The following SNTG1 variants were observed in gnomAD, a reference collection of about 807,000 sequenced individuals.
SNTG1 encodes the protein syntrophin gamma 1, also known as gamma-1-syntrophin.
A neutral mutation model predicts 74.7 loss-of-function variants in SNTG1; 39 were observed. The ratio of observed to expected loss-of-function variants is 0.52; its 90% CI spans 0.40 to 0.68. The LOEUF is 0.68. Ranked by LOEUF, SNTG1 falls within the 30% of genes least tolerant of loss-of-function variation. The pLI, the probability that SNTG1 is intolerant of heterozygous loss-of-function variation, is 0.00. For synonymous variants in SNTG1, 254 were observed against 217.1 expected, an observed-to-expected ratio of 1.17 and a Z score of -1.49; for missense variants, 685 against 609.5, an observed-to-expected ratio of 1.12 and a Z score of -1.30.
intron 2 of SNTG1, among the ~76,000 whole-genome samples, chr8:50,246,618 G>A (rs2086412496): frequency 1.3e-5 from 2 of 151,774 alleles, no homozygotes; most frequent in Admixed American, 1.3e-4. Flanking sequence ...AATTGCCCTT[G>A]TTTGATGAGA....
intron 8 of SNTG1, among the ~76,000 whole-genome samples, chr8:50,466,823 AAATT>A (rs780665586): frequency 1.3e-5 from 2 of 151,996 alleles, no homozygotes; most frequent in Non-Finnish European, 2.9e-5. Flanking sequence ...CTTCAAATTT[AAATT>A]GTTTATTGTT....
intron 1 of SNTG1, among the ~76,000 whole-genome samples, chr8:50,032,174 C>G (rs1817792079): frequency 6.6e-6 from 1 of 151,916 alleles, no homozygotes; most frequent in Non-Finnish European, 1.5e-5. Context: ...TGTATCTTCT[C>G]AATTCGTTTT....
chr8:50,236,298 A>T (rs1586797759), intron 2 of SNTG1, among the ~76,000 whole-genome samples: 1 of 152,184 alleles, frequency 6.6e-6, no homozygotes, highest in South Asian at 2.1e-4. Context: ...GTAGACAGAC[A>T]TTCCATAATA....
chr8:50,665,219 G>T (rs961694131), intron 15 of SNTG1, among the ~76,000 whole-genome samples: 1 of 152,218 alleles, frequency 6.6e-6, no homozygotes, highest in East Asian at 1.9e-4. Flanking sequence ...GCAGGTGGGA[G>T]ATGGGGAAGG....
chr8:50,595,536 G>A (rs2094721599), intron 13 of SNTG1, among the ~76,000 whole-genome samples: 1 of 152,084 alleles, frequency 6.6e-6, no homozygotes, highest in South Asian at 2.1e-4. Context: ...ATAGAAAGTT[G>A]TATATGTGTG....
At position 50,103,725 on chromosome 8, in the gene SNTG1, G is replaced by A. The variant is rs193018651; in HGVS notation, c.-102-68836G>A. On this transcript the variant is annotated intron_variant, in intron 1 of 18. Transcript: ENST00000642720. ...TCATAGATAGCTCTTATTATTTTGA[G>A]ATACGTCCCATCAATACCTAATTTA... Among the ~76,000 whole-genome samples, 40 of 152,206 alleles carry A rather than the reference G, an allele frequency of 2.6e-4. No homozygotes were observed. The South Asian group carries it at 3.5e-3, about 13-fold the overall frequency.
intron 2 of SNTG1, among the ~76,000 whole-genome samples, chr8:50,172,838 T>C (rs988907866): frequency 2.0e-5 from 3 of 152,104 alleles, no homozygotes; most frequent in Non-Finnish European, 4.4e-5. Flanking sequence ...CGTATCTCCA[T>C]GTTTAGTTGT....
chr8:50,751,402 T>A (rs533903059), intron 17 of SNTG1, among the ~76,000 whole-genome samples: 1 of 152,158 alleles, frequency 6.6e-6, no homozygotes, highest in South Asian at 2.1e-4. Context: ...ACCTTTTATA[T>A]CTCCATTTTT....
intron 2 of SNTG1, among the ~76,000 whole-genome samples, chr8:50,174,538 A>G (rs1472721324): frequency 2.0e-5 from 3 of 152,134 alleles, no homozygotes; most frequent in Non-Finnish European, 4.4e-5. Context: ...TCCAAAGCAC[A>G]TTTTCCCCAA....
intron 2 of SNTG1, among the ~76,000 whole-genome samples, chr8:50,290,774 T>A (rs182925259): frequency 6.6e-6 from 1 of 152,270 alleles, no homozygotes; most frequent in East Asian, 1.9e-4. Context: ...TTTTGCTTTT[T>A]TTGAGACAGG....
chr8:50,143,211 G>C (rs1479708747), intron 1 of SNTG1, among the ~76,000 whole-genome samples: 3 of 152,138 alleles, frequency 2.0e-5, no homozygotes, highest in Non-Finnish European at 2.9e-5. Flanking sequence ...ATGTTCTAGT[G>C]GGACATTTGT....
At chr8:50,326,580 CT>C (rs201488250) in intron 2 of SNTG1, among the ~76,000 whole-genome samples, 9,883 of 150,378 alleles carry the variant, frequency 0.066, 354 homozygotes, top group African/African-American at 0.071. Context: ...TGTCTTGTCT[CT>C]TTTTTTTTAT....
intron 1 of SNTG1, among the ~76,000 whole-genome samples, chr8:49,955,988 G>A (rs887486941): frequency 6.6e-6 from 1 of 151,976 alleles, no homozygotes; most frequent in African/African-American, 2.4e-5. Flanking sequence ...TCTTTTCATT[G>A]CCATATATTG....
intron 2 of SNTG1, among the ~76,000 whole-genome samples, chr8:50,230,415 A>C (rs559193673): frequency 1.0e-3 from 153 of 151,526 alleles, no homozygotes; most frequent in African/African-American, 3.5e-3. Flanking sequence ...TAAGGGAGTA[A>C]TACTATATGT....
chr8:50,153,007 C>G (rs1463117245), intron 1 of SNTG1, among the ~76,000 whole-genome samples: 1 of 152,196 alleles, frequency 6.6e-6, no homozygotes, highest in Admixed American at 6.5e-5. Flanking sequence ...TGTTTTCCAA[C>G]TTGGTTCTAT....
intron 1 of SNTG1, among the ~76,000 whole-genome samples, chr8:49,980,925 A>G (rs948618104): frequency 2.0e-5 from 3 of 152,180 alleles, no homozygotes; most frequent in African/African-American, 7.2e-5. Flanking sequence ...CTTAGAGAAG[A>G]ACTGTTTTTC....
intron 2 of SNTG1, among the ~76,000 whole-genome samples, chr8:50,330,812 A>G (rs1043796128): frequency 7.2e-5 from 11 of 152,092 alleles, no homozygotes; most frequent in African/African-American, 2.7e-4. Flanking sequence ...GAACTGACAA[A>G]CACTTATAAA....
intron 2 of SNTG1, among the ~76,000 whole-genome samples, chr8:50,220,624 A>T (rs1282993825): frequency 6.6e-6 from 1 of 152,110 alleles, no homozygotes; most frequent in African/African-American, 2.4e-5. Flanking sequence ...GGCAGTTGGG[A>T]GGAGCATGAG....
chr8:50,337,860 G>A (rs918950304), intron 2 of SNTG1, among the ~76,000 whole-genome samples: 2 of 152,202 alleles, frequency 1.3e-5, no homozygotes, highest in African/African-American at 4.8e-5. Context: ...TTTTAGGCCG[G>A]GCGCAGTGGC....
Sources: allele counts gnomAD v4.1 joint callset (sites outside exome capture counted in the v4.1 genomes callset), GRCh38; gene constraint gnomAD v4.1.1; transcripts MANE v1.5; gene names NCBI Gene and HGNC (gene_info 2026-07-23, HGNC 2026-07-21).